The following CALCOCO2 variants were observed in gnomAD, a reference collection of about 807,000 sequenced individuals.
CALCOCO2 encodes calcium-binding and coiled-coil domain-containing protein 2.
A neutral mutation model predicts 62.5 loss-of-function variants in CALCOCO2; 42 were observed. The ratio of observed to expected loss-of-function variants is 0.67; its 90% CI spans 0.53 to 0.87. CALCOCO2 has a LOEUF of 0.87. Among genes scored for constraint, CALCOCO2 ranks in the 40% least tolerant of loss-of-function variants. The pLI is 0.00. For synonymous variants in CALCOCO2, 167 were observed against 173.0 expected (o/e 0.97, Z 0.27); for missense variants, 456 against 515.0 (o/e 0.89, Z 1.11).
At chr17:48,835,042 C>CT (rs1435822195) in intron 1 of CALCOCO2, among the ~76,000 whole-genome samples, 1 of 35,764 alleles carries the variant, frequency 2.8e-5, no homozygotes, top group East Asian at 8.5e-3. Flanking sequence ...TGAGACCCTG[C>CT]CCCCCCGCAA....
intron 2 of CALCOCO2, 150 bp downstream of exon 2, chr17:48,842,037 C>T: frequency 2.0e-6 from 1 of 496,802 alleles, no homozygotes. Flanking sequence ...CTTCTCTCTT[C>T]ACACATTAAT....
At chr17:48,850,348 T>G (rs979517744) in intron 5 of CALCOCO2, among the ~76,000 whole-genome samples, 2 of 151,786 alleles carry the variant, frequency 1.3e-5, no homozygotes, top group Admixed American at 1.3e-4. Context: ...TCCCGGCTAC[T>G]CAGGAGGCTG....
intron 1 of CALCOCO2, among the ~76,000 whole-genome samples, chr17:48,840,837 C>T (rs2143588764): frequency 6.6e-6 from 1 of 152,146 alleles, no homozygotes; most frequent in African/African-American, 2.4e-5. Flanking sequence ...GAAAAAAAAA[C>T]CCACAACTAC....
Position 48,865,052 on chromosome 17 carries a change from G to A in CALCOCO2, c.*2047G>A, listed in dbSNP as rs553113613. On this transcript the variant is annotated 3_prime_UTR_variant, in exon 13 of 13. Coordinates refer to ENST00000258947, the MANE Select transcript of CALCOCO2 (RefSeq NM_005831.5). ...CACCCCTTTGCCCCTGCTACCCCGA[G>A]GGTTACCATGATTGTCAACAGCAGC... The A allele has an allele frequency of 6.6e-6, 1 of 152,254 alleles. No individual in the cohort carries two copies. The highest frequency in any genetic ancestry group is 1.9e-4 in the East Asian group (1 of 5,190). 9.4% of individuals were successfully genotyped at this position (152,254 alleles called of 1,614,324 possible).
chr17:48,856,638 TG>T (rs1275752945), intron 10 of CALCOCO2: 10 of 431,926 alleles, frequency 2.3e-5, no homozygotes, highest in Admixed American at 2.2e-4. Flanking sequence ...ATAAATGCTG[TG>T]CATTCATTCA....
Position 48,864,154 on chromosome 17 carries a change from C to T in CALCOCO2, c.*1149C>T, listed in dbSNP as rs901051607. 2 of 150,252 alleles carry T rather than the reference C, an allele frequency of 1.3e-5. No individual in the cohort carries two copies. Among genetic ancestry groups the T allele is most frequent in the African/African-American group, 4.9e-5 (2 of 40,904 alleles). 9.3% of individuals were successfully genotyped at this position (150,252 alleles called of 1,614,324 possible). On this transcript the variant is annotated 3_prime_UTR_variant, in exon 13 of 13. Transcript: ENST00000258947. ...AGTTGACTCACTACAGCCTCTGCCT[C>T]CCAGGTTCAAGCGATTCTCATGCCT...
Position 48,848,418 on chromosome 17 carries a change from C to G in CALCOCO2, c.380C>G (p.Pro127Arg), listed in dbSNP as rs754430268. Residue 127 changes from proline (P) to arginine (R), a missense_variant, in exon 4 of 13, where the codon CCA (proline) becomes CGA (arginine). Transcript: ENST00000258947. Reference sequence around the variant, plus strand: ...GCAAGTATTCCTTTCCAATTCCGTCCAGAAAATGAGGAAGACATCCTGGTT... The same window carrying G: ...GCAAGTATTCCTTTCCAATTCCGTCGAGAAAATGAGGAAGACATCCTGGTT... ...RGASIPFQFRPENEEDILVVT... is the reference protein window; with the variant it reads ...RGASIPFQFRRENEEDILVVT... The G allele has an allele frequency of 4.3e-6, 7 of 1,613,948 alleles. No homozygotes were observed. The Admixed American group carries it at 1.2e-4, about 27-fold the overall frequency.
intron 2 of CALCOCO2, among the ~76,000 whole-genome samples, chr17:48,844,362 G>A (rs922151551): frequency 6.6e-6 from 1 of 151,256 alleles, no homozygotes; most frequent in Admixed American, 6.6e-5. Context: ...TTGGAACATC[G>A]TTATATTTCT....
intron 10 of CALCOCO2, among the ~76,000 whole-genome samples, chr17:48,859,045 CAAAAAAAAAAAAAA>C (rs61643790): frequency 2.5e-4 from 9 of 35,624 alleles, no homozygotes; most frequent in Admixed American, 1.5e-3. Flanking sequence ...GACTCTGTCT[CAAAAAAAAAAAAAA>C]AAAAAAAAAA....
At position 48,848,458 on chromosome 17, in the gene CALCOCO2, T is replaced by G; in HGVS notation, c.417+3T>G. The G allele has an allele frequency of 6.2e-7, 1 of 1,613,688 alleles. No individual in the cohort carries two copies. The highest frequency in any genetic ancestry group is 1.1e-5 in the South Asian group (1 of 91,058). On this transcript the variant is annotated splice_donor_region_variant and intron_variant, in intron 4 of 12. Coordinates refer to ENST00000258947, the MANE Select transcript of CALCOCO2 (RefSeq NM_005831.5). ...ACATCCTGGTTGTTACCACTCAGGT[T>G]TGTAAAACTTCTCACCTCAATCCCT...
chr17:48,837,682 A>C (rs749341571), intron 1 of CALCOCO2, among the ~76,000 whole-genome samples: 6 of 152,038 alleles, frequency 3.9e-5, no homozygotes, highest in Admixed American at 2.0e-4. Flanking sequence ...TTGAGGTTTG[A>C]GGTTGAGGAT....
In CALCOCO2 at chr17:48,857,497, C is replaced by CTTTTTTTT. The variant is rs59318856; in HGVS notation, c.1008+1326_1008+1333dup. On this transcript the variant is annotated intron_variant, in intron 10 of 12. Coordinates refer to ENST00000258947, the MANE Select transcript of CALCOCO2 (RefSeq NM_005831.5). Reference sequence around the variant, plus strand: ...CAGGCGTGAGCCACTGCACCCGGCCCTTTTTTTTTTTTTTTTTTTTTTTGA... The same window carrying CTTTTTTTT: ...CAGGCGTGAGCCACTGCACCCGGCCCTTTTTTTTTTTTTTTTTTTTTTTTTTTTTTTGA... Among the ~76,000 whole-genome samples, 232 of 38,440 alleles carry CTTTTTTTT rather than the reference C, an allele frequency of 6.0e-3. 26 individuals are homozygous for CTTTTTTTT. The highest frequency in any genetic ancestry group is 7.9e-3 in the East Asian group (4 of 504). The allele number at this position is 38,440 out of a possible 152,430, so 25.2% of individuals were successfully genotyped here.
rs370021564 is a variant in CALCOCO2 at position 48,863,014 on chromosome 17, A to G, written c.*9A>G. 1.3e-5 allele frequency: 20 copies of G among 1,592,466 alleles called. 1 individual carries two copies. The highest frequency in any genetic ancestry group is 1.2e-4 in the Admixed American group (7 of 59,968). On this transcript the variant is annotated 3_prime_UTR_variant, in exon 13 of 13. Coordinates refer to ENST00000258947, the MANE Select transcript of CALCOCO2 (RefSeq NM_005831.5). ...TCTGCCACTCTCTCTGAGTATCCCA[A>G]CCTCTTGGATGTATACAGAGATTTT...
At chr17:48,848,709 G>A (rs2040086141) in intron 4 of CALCOCO2, 1 of 580,370 alleles carries the variant, frequency 1.7e-6, no homozygotes, top group African/African-American at 1.9e-5. Flanking sequence ...CTTTCCAATT[G>A]CTTAATTTTT....
At chr17:48,862,710 A>G (rs2040345318) in intron 12 of CALCOCO2, 128 bp from the exon 13 acceptor site, 4 of 726,702 alleles carry the variant, frequency 5.5e-6, no homozygotes, top group Admixed American at 2.3e-5. Context: ...TTCATTCACT[A>G]TTTCTTGAGT....
At chr17:48,854,985 G>C (rs2040192763) in intron 9 of CALCOCO2, among the ~76,000 whole-genome samples, 1 of 152,140 alleles carries the variant, frequency 6.6e-6, no homozygotes, top group Admixed American at 6.6e-5. Flanking sequence ...GCCAACTCGG[G>C]GCGGCTGCAC....
intron 7 of CALCOCO2, chr17:48,852,274 C>T: frequency 4.9e-6 from 2 of 412,102 alleles, no homozygotes; most frequent in South Asian, 8.7e-5. Context: ...TCTTTTCAAG[C>T]AAAATCGTAC....
intron 10 of CALCOCO2, 69 bp downstream of exon 10, chr17:48,856,256 T>G: frequency 2.4e-6 from 2 of 833,780 alleles, no homozygotes; most frequent in South Asian, 3.2e-5. Flanking sequence ...CCCAGAGATG[T>G]AGTGAAAAAA....
At position 48,841,829 on chromosome 17, in the gene CALCOCO2, A is replaced by G; in HGVS notation, c.122A>G (p.His41Arg). Residue 41 changes from histidine to arginine, a missense_variant, in exon 2 of 13, where the codon CAT (histidine) becomes CGT (arginine). By Grantham distance (29) the His-to-Arg change is conservative. This residue lies in a region of CALCOCO2 where 48 missense variants were observed against 79.3 expected (regional missense o/e 0.61). Transcript: ENST00000258947. ...FYIPGGDVTCHYTFTQHFIPR... is the reference protein window; with the variant it reads ...FYIPGGDVTCRYTFTQHFIPR... ...ATCCCTGGAGGGGACGTCACATGTC[A>G]TTATACCTTCACCCAGCATTTCATC... 6.2e-7 allele frequency: 1 copy of G among 1,613,732 alleles called. No homozygotes were observed. The highest frequency in any genetic ancestry group is 8.5e-7 in the Non-Finnish European group (1 of 1,179,766).
Sources: gnomAD v4.1 joint callset for allele counts (sites outside exome capture counted in the v4.1 genomes callset) on GRCh38, gnomAD v4.1.1 for gene constraint, gnomAD v4.1.1 regional missense constraint, MANE v1.5 for transcripts, NCBI Gene and HGNC (gene_info 2026-07-23, HGNC 2026-07-21) for gene names.